NTF3: variants seen among roughly 807,000 people sequenced by gnomAD.
The protein encoded by NTF3 is neurotrophin 3.
NTF3 carries 8 observed loss-of-function variants against 26.3 expected under a neutral mutation model. That is an observed-to-expected ratio of 0.30 (90% CI 0.18 to 0.55). NTF3 has a LOEUF of 0.55. Ranked by LOEUF, NTF3 falls within the 20% of genes least tolerant of loss-of-function variation. The pLI is 0.93. For missense variants in NTF3, 276 were observed against 352.9 expected (o/e 0.78, Z 1.75); for synonymous variants, 154 against 145.5 (o/e 1.06, Z -0.42).
At chr12:5,441,145 G>A (rs890021072) in intron 1 of NTF3, among the ~76,000 whole-genome samples, 1 of 152,190 alleles carries the variant, frequency 6.6e-6, no homozygotes, top group Non-Finnish European at 1.5e-5. Flanking sequence ...AACTCCAACA[G>A]AGGCTAATTA....
In NTF3 at chr12:5,471,236, G is replaced by C. The variant is rs1184836603; in HGVS notation, c.19-22958G>C. On this transcript the variant is annotated intron_variant, in intron 1 of 1. Coordinates refer to ENST00000423158, the MANE Select transcript of NTF3 (RefSeq NM_001102654.2). ...GGCCTTTAGAAACAGCAATCCACAG[G>C]GGGCCCGGAGACCTGGATTCATATT... is the stretch of plus-strand genomic sequence containing the variant. 2.0e-5 allele frequency among the ~76,000 whole-genome samples: 3 copies of C among 152,092 alleles called. No homozygotes were observed. In the East Asian group the frequency reaches 5.8e-4, roughly 29 times the overall value.
At chr12:5,444,243 G>A (rs908035029) in intron 1 of NTF3, among the ~76,000 whole-genome samples, 2 of 152,224 alleles carry the variant, frequency 1.3e-5, no homozygotes, top group African/African-American at 4.8e-5. Context: ...TGAGGAATAG[G>A]AGAAATGTTC....
intron 1 of NTF3, among the ~76,000 whole-genome samples, chr12:5,473,288 T>C (rs1046733812): frequency 6.6e-6 from 1 of 152,198 alleles, no homozygotes. Flanking sequence ...CATGAGGCAC[T>C]GGAGCTGCAG....
chr12:5,479,761 G>T (rs2121229775), intron 1 of NTF3, among the ~76,000 whole-genome samples: 2 of 152,322 alleles, frequency 1.3e-5, no homozygotes, highest in East Asian at 3.9e-4. Flanking sequence ...CATAGTAGGT[G>T]CTCAATCTCT....
chr12:5,438,926 T>C (rs553289079), intron 1 of NTF3, among the ~76,000 whole-genome samples: 14 of 152,266 alleles, frequency 9.2e-5, no homozygotes, highest in African/African-American at 1.4e-4. Flanking sequence ...TCACTTGGAG[T>C]GCACCCTGGC....
chr12:5,493,394 A>G (rs566743525), intron 1 of NTF3, among the ~76,000 whole-genome samples: 15 of 152,138 alleles, frequency 9.9e-5, no homozygotes, highest in African/African-American at 3.4e-4. Flanking sequence ...ATCAACAATG[A>G]CTCTTCTATT....
chr12:5,459,660 A>C (rs571324280), intron 1 of NTF3, among the ~76,000 whole-genome samples: 1 of 152,158 alleles, frequency 6.6e-6, no homozygotes, highest in Non-Finnish European at 1.5e-5. Context: ...AGCTTAGCGG[A>C]TGTCCTAGAC....
intron 1 of NTF3, among the ~76,000 whole-genome samples, chr12:5,481,543 AT>A: frequency 6.8e-6 from 1 of 146,932 alleles, no homozygotes; most frequent in African/African-American, 2.5e-5. Context: ...CATTCACAGA[AT>A]ACATATATGC....
At chr12:5,483,931 T>C (rs888399476) in intron 1 of NTF3, among the ~76,000 whole-genome samples, 1 of 152,178 alleles carries the variant, frequency 6.6e-6, no homozygotes, top group Non-Finnish European at 1.5e-5. Context: ...CACAGACACT[T>C]GTGAAAGGAA....
chr12:5,442,912 A>T (rs1473071038), intron 1 of NTF3, among the ~76,000 whole-genome samples: 1 of 152,194 alleles, frequency 6.6e-6, no homozygotes, highest in Non-Finnish European at 1.5e-5. Flanking sequence ...TCTACTTGCG[A>T]ATACAGTGTA....
At chr12:5,451,987 C>T (rs768498345) in intron 1 of NTF3, among the ~76,000 whole-genome samples, 1 of 152,172 alleles carries the variant, frequency 6.6e-6, no homozygotes, top group Non-Finnish European at 1.5e-5. Context: ...GCGACCATGC[C>T]CAGCTCCCTT....
At chr12:5,452,101 T>C (rs1437305813) in intron 1 of NTF3, among the ~76,000 whole-genome samples, 1 of 149,372 alleles carries the variant, frequency 6.7e-6, no homozygotes, top group Non-Finnish European at 1.5e-5. Context: ...CTTTTCTTTT[T>C]TTTTTTTTTT....
intron 1 of NTF3, among the ~76,000 whole-genome samples, chr12:5,481,604 TACAG>T (rs1591605539): frequency 3.6e-5 from 4 of 110,916 alleles, no homozygotes; most frequent in African/African-American, 3.9e-5. Context: ...CACACACACA[TACAG>T]ACACACAGAC....
chr12:5,432,891 C>A (rs1387601887), intron 1 of NTF3, among the ~76,000 whole-genome samples: 1 of 152,048 alleles, frequency 6.6e-6, no homozygotes, highest in Non-Finnish European at 1.5e-5. Context: ...GCGGCAGCTC[C>A]CCTGCACACG....
At chr12:5,463,868 C>T (rs1028936203) in intron 1 of NTF3, among the ~76,000 whole-genome samples, 4 of 152,118 alleles carry the variant, frequency 2.6e-5, no homozygotes, top group African/African-American at 9.7e-5. Context: ...GTTTTCATAT[C>T]TATGAAATTA....
intron 1 of NTF3, among the ~76,000 whole-genome samples, chr12:5,453,661 A>T (rs991499804): frequency 6.6e-6 from 1 of 152,176 alleles, no homozygotes; most frequent in Non-Finnish European, 1.5e-5. Flanking sequence ...TTCTTCTCGC[A>T]TTTGCCTAGT....
chr12:5,476,550 T>C (rs1315550922), intron 1 of NTF3, among the ~76,000 whole-genome samples: 1 of 152,188 alleles, frequency 6.6e-6, no homozygotes, highest in Admixed American at 6.5e-5. Context: ...ATGTATAAAC[T>C]GATCTGAGGT....
At chr12:5,484,955 C>T (rs575078822) in intron 1 of NTF3, among the ~76,000 whole-genome samples, 1 of 152,306 alleles carries the variant, frequency 6.6e-6, no homozygotes, top group Admixed American at 6.5e-5. Context: ...TATTTTGTTT[C>T]TCATCATCAG....
chr12:5,442,864 A>C (rs904635987), intron 1 of NTF3, among the ~76,000 whole-genome samples: 2 of 152,204 alleles, frequency 1.3e-5, no homozygotes, highest in African/African-American at 4.8e-5. Context: ...GGATACCAAG[A>C]GATACAAAGC....
Sources: allele counts gnomAD v4.1 joint callset (sites outside exome capture counted in the v4.1 genomes callset), GRCh38; gene constraint gnomAD v4.1.1; transcripts MANE v1.5; gene names NCBI Gene and HGNC (gene_info 2026-07-23, HGNC 2026-07-21).